SLC27A2: variants seen among roughly 807,000 people sequenced by gnomAD.
The protein encoded by SLC27A2 is solute carrier family 27 member 2.
In SLC27A2, 54 loss-of-function variants were observed where a neutral mutation model predicts 60.0. The ratio of observed to expected loss-of-function variants is 0.90; its 90% CI spans 0.72 to 1.13. The LOEUF (loss-of-function observed/expected upper bound fraction) is 1.13. Among genes scored for constraint, SLC27A2 ranks in the 50% most tolerant of loss-of-function variants. The probability of loss-of-function intolerance (pLI) is 0.00; values close to 1 mark genes in which losing one functional copy is unlikely to be tolerated. For missense variants in SLC27A2, 739 were observed against 777.6 expected (o/e 0.95, Z 0.59); for synonymous variants, 297 against 297.6 (o/e 1.00, Z 0.02).
Position 50,228,983 on chromosome 15 carries a change from A to C in SLC27A2, c.1496A>C (p.Asp499Ala), listed in dbSNP as rs772755488. The C allele has an allele frequency of 5.0e-6, 8 of 1,614,096 alleles. No individual in the cohort carries two copies. The South Asian group carries it at 8.8e-5, about 18-fold the overall frequency. ...GENVATTEVA[D>A]TVGLVDFVQE... ...AATGTGGCCACCACTGAAGTTGCTG[A>C]TACAGTTGGACTGGTTGATTTTGTC... is the stretch of plus-strand genomic sequence containing the variant. Residue 499 changes from aspartate to alanine, a missense_variant, in exon 8 of 10, where the codon GAT (aspartate) becomes GCT (alanine). By Grantham distance (126) the Asp-to-Ala change is moderately radical (BLOSUM62 -2). Coordinates refer to ENST00000267842, the MANE Select transcript of SLC27A2 (RefSeq NM_003645.4).
chr15:50,183,666 C>G (rs1039755359), intron 1 of SLC27A2, among the ~76,000 whole-genome samples: 1 of 152,164 alleles, frequency 6.6e-6, no homozygotes, highest in Non-Finnish European at 1.5e-5. Context: ...ACCTGTTACT[C>G]ACAGGGCTGA....
chr15:50,194,454 G>C (rs2044998243), intron 1 of SLC27A2, among the ~76,000 whole-genome samples: 1 of 152,090 alleles, frequency 6.6e-6, no homozygotes, highest in Non-Finnish European at 1.5e-5. Flanking sequence ...GAGAGTAGGA[G>C]ATGACACAGA....
chr15:50,188,536 C>A (rs2044944020), intron 1 of SLC27A2, among the ~76,000 whole-genome samples: 1 of 152,230 alleles, frequency 6.6e-6, no homozygotes, highest in African/African-American at 2.4e-5. Flanking sequence ...CTTCCCAACT[C>A]TTTGGACTGC....
At chr15:50,231,778 G>A (rs2045318539) in intron 8 of SLC27A2, among the ~76,000 whole-genome samples, 1 of 152,204 alleles carries the variant, frequency 6.6e-6, no homozygotes, top group Non-Finnish European at 1.5e-5. Context: ...CAGATAGGAT[G>A]AGGAGCAGGT....
intron 8 of SLC27A2, among the ~76,000 whole-genome samples, chr15:50,232,089 A>G (rs2045320236): frequency 6.6e-6 from 1 of 152,246 alleles, no homozygotes; most frequent in African/African-American, 2.4e-5. Flanking sequence ...CCCCATCCAC[A>G]GAGGCCAGTC....
chr15:50,208,999 G>A (rs2045134336), intron 4 of SLC27A2, among the ~76,000 whole-genome samples: 1 of 152,168 alleles, frequency 6.6e-6, no homozygotes, highest in African/African-American at 2.4e-5. Flanking sequence ...TGAAGCTACA[G>A]TCTGTACTGG....
intron 1 of SLC27A2, among the ~76,000 whole-genome samples, chr15:50,188,982 AATAG>A (rs199573332): frequency 0.16 from 22,289 of 135,350 alleles, 1,715 homozygotes; most frequent in South Asian, 0.18. Flanking sequence ...TAGATAGATA[AATAG>A]ATAGATAGAT....
chr15:50,205,912 C>A (rs1404286979), intron 4 of SLC27A2, among the ~76,000 whole-genome samples: 2 of 152,110 alleles, frequency 1.3e-5, no homozygotes, highest in Non-Finnish European at 2.9e-5. Context: ...ACAAATAAAT[C>A]TCTGTGTGAC....
At chr15:50,225,022 C>T (rs983140873) in intron 5 of SLC27A2, among the ~76,000 whole-genome samples, 20 of 151,974 alleles carry the variant, frequency 1.3e-4, no homozygotes, top group East Asian at 3.8e-4. Flanking sequence ...CTTTAAAAAC[C>T]GGATGATCCC....
intron 1 of SLC27A2, among the ~76,000 whole-genome samples, chr15:50,189,278 T>A (rs1360096327): frequency 1.3e-5 from 2 of 152,146 alleles, no homozygotes; most frequent in Non-Finnish European, 2.9e-5. Flanking sequence ...GTCCTCCTAA[T>A]CAATGACTCT....
At chr15:50,223,304 T>C in intron 5 of SLC27A2, 145 bp downstream of exon 5, 1 of 556,654 alleles carries the variant, frequency 1.8e-6, no homozygotes, top group Non-Finnish European at 3.1e-6. Flanking sequence ...GTTTTGCTCA[T>C]TCTCTGTGAT....
At chr15:50,226,191 G>C (rs887283714) in intron 6 of SLC27A2, 113 bp downstream of exon 6, 4 of 673,940 alleles carry the variant, frequency 5.9e-6, no homozygotes, top group Non-Finnish European at 1.1e-5. Flanking sequence ...TGGGGAAAAG[G>C]GGGGTTTATT....
rs569117040 is a variant in SLC27A2 at position 50,236,070 on chromosome 15, A to T, written c.1837A>T (p.Ile613Leu). 2 of 1,610,396 alleles carry T rather than the reference A, an allele frequency of 1.2e-6. No homozygotes were observed. The highest frequency in any genetic ancestry group is 2.7e-5 in the African/African-American group (2 of 74,868). ...TATGACTGAGGACATCTATAATGCC[A>T]TAAGTGCTAAAACCCTGAAACTCTG... is the stretch of plus-strand genomic sequence containing the variant. Reference protein sequence around the residue: ...VPMTEDIYNAISAKTLKL With the variant: ...VPMTEDIYNALSAKTLKL The change falls in exon 10 of 10, where the codon ATA (isoleucine) becomes TTA (leucine). Residue 613 changes from isoleucine to leucine, a missense_variant. Transcript: ENST00000267842.
At chr15:50,198,712 T>C (rs760801631) in intron 2 of SLC27A2, among the ~76,000 whole-genome samples, 2 of 152,140 alleles carry the variant, frequency 1.3e-5, no homozygotes, top group Non-Finnish European at 2.9e-5. Flanking sequence ...TATTGGAAAA[T>C]TGAATCTATG....
At chr15:50,187,556 G>T (rs1396124558) in intron 1 of SLC27A2, among the ~76,000 whole-genome samples, 2 of 152,128 alleles carry the variant, frequency 1.3e-5, no homozygotes, top group Non-Finnish European at 2.9e-5. Flanking sequence ...CCCTTCATCA[G>T]CTCACTGGCA....
At chr15:50,187,969 C>CA (rs36119542) in intron 1 of SLC27A2, among the ~76,000 whole-genome samples, 17,927 of 105,530 alleles carry the variant, frequency 0.17, 1,305 homozygotes, top group African/African-American at 0.25. Flanking sequence ...GAGAGGCCAC[C>CA]AAAAAAAAAA....
At chr15:50,231,564 C>CA (rs1246944764) in intron 8 of SLC27A2, among the ~76,000 whole-genome samples, 1 of 152,092 alleles carries the variant, frequency 6.6e-6, no homozygotes, top group Non-Finnish European at 1.5e-5. Context: ...CCAGTGGTTC[C>CA]AAAAATTTGG....
intron 3 of SLC27A2, among the ~76,000 whole-genome samples, chr15:50,204,212 C>A (rs1344410895): frequency 1.3e-5 from 2 of 152,158 alleles, no homozygotes; most frequent in Non-Finnish European, 2.9e-5. Flanking sequence ...TGCCTGTAAT[C>A]CCAGCACTTT....
rs2045013820 is a variant in SLC27A2, at chr15:50,196,056, A to AAAAAAAAAAAATAAAAAT, written c.479-1433_479-1432insTAAAAATAAAAAAAAAAA. ...GCGACAGAGCCAGACTCTGTCTCAAAAAAAAAAAAAAAAAAAAAAAAATAT... is the reference window on the plus strand; with the variant it reads ...GCGACAGAGCCAGACTCTGTCTCAAAAAAAAAAAAAATAAAAATAAAAAAAAAAAAAAAAAAAAAATAT... On this transcript the variant is annotated intron_variant, in intron 1 of 9. Transcript: ENST00000267842. Among the ~76,000 whole-genome samples, 15 of 8,990 alleles carry AAAAAAAAAAAATAAAAAT rather than the reference A, an allele frequency of 1.7e-3. 3 individuals are homozygous for AAAAAAAAAAAATAAAAAT. The highest frequency in any genetic ancestry group is 3.6e-3 in the Non-Finnish European group (15 of 4,160). 5.9% of individuals were successfully genotyped at this position (8,990 alleles called of 152,430 possible).
Sources: allele counts gnomAD v4.1 joint callset (sites outside exome capture counted in the v4.1 genomes callset), GRCh38; gene constraint gnomAD v4.1.1; transcripts MANE v1.5; gene names NCBI Gene and HGNC (gene_info 2026-07-23, HGNC 2026-07-21).